Variants in TENM2 observed in about 807,000 individuals in gnomAD.
The protein encoded by TENM2 is teneurin-2.
Under a neutral mutation model 245.2 loss-of-function variants are expected in TENM2, and 52 were observed. That is an observed-to-expected ratio of 0.21 (90% CI 0.17 to 0.27). The LOEUF (loss-of-function observed/expected upper bound fraction) is 0.27, where lower values mean the gene tolerates loss of function less well. TENM2 is among the 10% of genes least tolerant of loss of function. TENM2 has a pLI of 1.00. For synonymous variants in TENM2, 1,363 were observed against 1,438.9 expected, an observed-to-expected ratio of 0.95 and a Z score of 1.19; for missense variants, 3,046 against 3,666.8, an observed-to-expected ratio of 0.83 and a Z score of 4.37.
At chr5:167,609,244 A>T (rs1777274083) in intron 2 of TENM2, among the ~76,000 whole-genome samples, 1 of 152,072 alleles carries the variant, frequency 6.6e-6, no homozygotes. Context: ...AGAATGAGAA[A>T]GGTTGTTGCC....
At chr5:167,474,207 T>C (rs948571982) in intron 2 of TENM2, among the ~76,000 whole-genome samples, 1 of 152,214 alleles carries the variant, frequency 6.6e-6, no homozygotes, top group Non-Finnish European at 1.5e-5. Context: ...AATTTATTAG[T>C]ATAGTTATAC....
the TENM2 span, among the ~76,000 whole-genome samples, chr5:167,098,784 A>G: frequency 3.9e-5 from 6 of 152,330 alleles, no homozygotes; most frequent in African/African-American, 1.4e-4. Context: ...AGTGATGCAC[A>G]TTGTTCGCAA....
intron 2 of TENM2, among the ~76,000 whole-genome samples, chr5:167,837,815 T>TG (rs1216220717): frequency 6.6e-6 from 1 of 152,136 alleles, no homozygotes; most frequent in African/African-American, 2.4e-5. Flanking sequence ...TTTTTTTTTT[T>TG]TCTGCCACCT....
chr5:167,461,402 C>T (rs571310440), intron 2 of TENM2, among the ~76,000 whole-genome samples: 35 of 152,008 alleles, frequency 2.3e-4, no homozygotes, highest in Non-Finnish European at 4.4e-4. Flanking sequence ...AGCTCCATTC[C>T]AGGAGGCTCT....
intron 2 of TENM2, among the ~76,000 whole-genome samples, chr5:167,480,314 T>C (rs1767675392): frequency 2.6e-5 from 4 of 152,160 alleles, no homozygotes; most frequent in Admixed American, 2.6e-4. Flanking sequence ...TAAGCACTGG[T>C]TAATGCTCGT....
At chr5:167,698,743 G>C (rs972955315) in intron 2 of TENM2, among the ~76,000 whole-genome samples, 1 of 147,476 alleles carries the variant, frequency 6.8e-6, no homozygotes, top group African/African-American at 2.6e-5. Context: ...GAGTGCAGTG[G>C]TGCGATCTCT....
At chr5:167,846,584 G>A (rs6892870) in intron 2 of TENM2, among the ~76,000 whole-genome samples, 7,872 of 152,190 alleles carry the variant, frequency 0.052, 673 homozygotes, top group African/African-American at 0.18. Flanking sequence ...CCAAAAGATT[G>A]AGATGAAGCC....
chr5:167,424,193 A>G (rs1411928977), intron 2 of TENM2, among the ~76,000 whole-genome samples: 2 of 152,060 alleles, frequency 1.3e-5, no homozygotes, highest in Non-Finnish European at 2.9e-5. Context: ...TCAAGGACCT[A>G]TACAATTGTC....
intron 14 of TENM2, 74 bp from the exon 17 acceptor site, chr5:168,195,102 G>T (rs1472355): frequency 0.34 from 522,506 of 1,526,210 alleles, 97,053 homozygotes; most frequent in Non-Finnish European, 0.39. Flanking sequence ...TGAGGATGAG[G>T]GAGCAGAGGC....
intron 2 of TENM2, among the ~76,000 whole-genome samples, chr5:167,819,872 A>T (rs1393200678): frequency 6.6e-6 from 1 of 152,166 alleles, no homozygotes; most frequent in East Asian, 1.9e-4. Context: ...GCATTTGTGG[A>T]GTGAGCGTGA....
intron 1 of TENM2, among the ~76,000 whole-genome samples, chr5:167,294,074 T>C (rs1754812178): frequency 6.6e-6 from 1 of 152,062 alleles, no homozygotes; most frequent in South Asian, 2.1e-4. Flanking sequence ...GTTTGGAAGA[T>C]AGAAACAATA....
At chr5:167,207,295 G>A in the TENM2 span, among the ~76,000 whole-genome samples, 4 of 152,132 alleles carry the variant, frequency 2.6e-5, no homozygotes, top group African/African-American at 7.2e-5. Context: ...ACACATGAAC[G>A]GGACACGCCC....
At chr5:168,023,311 T>TC (rs1020684781) in intron 5 of TENM2, among the ~76,000 whole-genome samples, 1 of 152,080 alleles carries the variant, frequency 6.6e-6, no homozygotes, top group African/African-American at 2.4e-5. Context: ...GCTGCAGCAT[T>TC]CCCCCCATCC....
rs576831076 is a variant in TENM2, at chr5:167,695,595, C to G, written c.503-180391C>G. On this transcript the variant is annotated intron_variant, in intron 2 of 28. Transcript: ENST00000518659. ...ACAGAGGGAAAGGGTTCAGGTTTGT[C>G]TCTGAATCAGACAAAAATAGTTAGC... 7.2e-5 allele frequency among the ~76,000 whole-genome samples: 11 copies of G among 152,094 alleles called. No individual in the cohort carries two copies. In the South Asian group the frequency reaches 2.1e-3, roughly 29 times the overall value.
intron 12 of TENM2, among the ~76,000 whole-genome samples, chr5:168,158,205 A>G (rs908011409): frequency 2.6e-5 from 4 of 152,070 alleles, no homozygotes; most frequent in Non-Finnish European, 5.9e-5. Context: ...TTTAAATCCC[A>G]AATTTCCCAT....
chr5:167,600,000 G>A (rs1303416202), intron 2 of TENM2, among the ~76,000 whole-genome samples: 1 of 149,940 alleles, frequency 6.7e-6, no homozygotes, highest in Admixed American at 6.7e-5. Context: ...ACAAAAATTA[G>A]CCAGACGTGG....
chr5:167,677,012 A>G (rs1214432839), intron 2 of TENM2, among the ~76,000 whole-genome samples: 1 of 152,122 alleles, frequency 6.6e-6, no homozygotes. Context: ...CAATAAGGGC[A>G]CAAGGTGGTC....
At chr5:167,540,709 T>C (rs1772149694) in intron 2 of TENM2, among the ~76,000 whole-genome samples, 1 of 152,208 alleles carries the variant, frequency 6.6e-6, no homozygotes, top group African/African-American at 2.4e-5. Context: ...GGTAGAGCCA[T>C]ATCAGTTCCG....
chr5:167,740,041 A>G (rs1205023868), intron 2 of TENM2, among the ~76,000 whole-genome samples: 5 of 152,172 alleles, frequency 3.3e-5, no homozygotes, highest in African/African-American at 9.7e-5. Flanking sequence ...GCGATGTTTC[A>G]TTAGTGAGTG....
Sources: gnomAD v4.1 joint callset for allele counts (sites outside exome capture counted in the v4.1 genomes callset) on GRCh38, gnomAD v4.1.1 for gene constraint, MANE v1.5 for transcripts, NCBI Gene and HGNC (gene_info 2026-07-23, HGNC 2026-07-21) for gene names.